Variants in MBD5 observed in about 807,000 individuals in gnomAD.
MBD5 encodes the protein methyl-CpG binding domain protein 5, also known as methyl-CpG-binding domain protein 5.
A neutral mutation model predicts 117.3 loss-of-function variants in MBD5; 13 were observed. The observed-to-expected ratio is 0.11, with a 90% confidence interval of 0.07 to 0.18. The LOEUF (loss-of-function observed/expected upper bound fraction) is 0.18. MBD5 is among the 10% of genes least tolerant of loss of function. The pLI, the probability that MBD5 is intolerant of heterozygous loss-of-function variation, is 1.00. For synonymous variants in MBD5, 727 were observed against 766.4 expected (o/e 0.95, Z 0.85); for missense variants, 1,879 against 2,093.8 (o/e 0.90, Z 2.00).
chr2:148,145,524 G>T (rs186575298), intron 1 of MBD5, among the ~76,000 whole-genome samples: 405 of 152,288 alleles, frequency 2.7e-3, no homozygotes, highest in Non-Finnish European at 4.4e-3. Flanking sequence ...CCTGCCTTGT[G>T]CCTGTTTTCA....
chr2:148,464,351 A>G (rs1162485039), intron 7 of MBD5, among the ~76,000 whole-genome samples: 2 of 152,234 alleles, frequency 1.3e-5, no homozygotes, highest in East Asian at 1.9e-4. Flanking sequence ...AAAACTTTTT[A>G]TATCTCCACC....
chr2:148,228,898 G>A (rs938147360), intron 2 of MBD5, among the ~76,000 whole-genome samples: 2 of 152,170 alleles, frequency 1.3e-5, no homozygotes, highest in Non-Finnish European at 2.9e-5. Context: ...TATTTGCATA[G>A]AGGTGTTTAT....
At chr2:148,227,472 T>G (rs1415813311) in intron 2 of MBD5, among the ~76,000 whole-genome samples, 1 of 152,188 alleles carries the variant, frequency 6.6e-6, no homozygotes, top group Non-Finnish European at 1.5e-5. Context: ...CATTGGTCTA[T>G]ATCTCTGTTT....
intron 4 of MBD5, among the ~76,000 whole-genome samples, chr2:148,456,885 C>T (rs1342393933): frequency 6.6e-6 from 1 of 152,104 alleles, no homozygotes; most frequent in Non-Finnish European, 1.5e-5. Flanking sequence ...AAGGCATATA[C>T]CTGAATATAC....
chr2:148,326,197 G>T (rs1162469410), intron 3 of MBD5, among the ~76,000 whole-genome samples: 3 of 152,202 alleles, frequency 2.0e-5, no homozygotes, highest in Non-Finnish European at 4.4e-5. Context: ...TACGGTCTGA[G>T]ATATAGTTTG....
chr2:148,217,064 A>G (rs573870687), intron 2 of MBD5, among the ~76,000 whole-genome samples: 1 of 152,346 alleles, frequency 6.6e-6, no homozygotes, highest in African/African-American at 2.4e-5. Context: ...TAAGCATACA[A>G]TCTGGCAAAT....
intron 4 of MBD5, among the ~76,000 whole-genome samples, chr2:148,449,567 T>C (rs1706663490): frequency 6.6e-6 from 1 of 151,120 alleles, no homozygotes; most frequent in African/African-American, 2.4e-5. Flanking sequence ...AACAAGAGGG[T>C]GAGATGGGAG....
At chr2:148,127,455 A>G (rs1295711103) in intron 1 of MBD5, among the ~76,000 whole-genome samples, 1 of 152,054 alleles carries the variant, frequency 6.6e-6, no homozygotes, top group Non-Finnish European at 1.5e-5. Flanking sequence ...CTCATCATTC[A>G]TCTCCCATTT....
intron 1 of MBD5, among the ~76,000 whole-genome samples, chr2:148,101,686 A>G (rs1202323941): frequency 6.6e-6 from 1 of 152,130 alleles, no homozygotes; most frequent in Non-Finnish European, 1.5e-5. Flanking sequence ...TGTTTTTTTA[A>G]CTTCATCTTA....
At chr2:148,463,098 A>C (rs2105575401) in intron 6 of MBD5, among the ~76,000 whole-genome samples, 1 of 152,338 alleles carries the variant, frequency 6.6e-6, no homozygotes, top group Middle Eastern at 3.4e-3. Context: ...TAGCCAAAAT[A>C]TGAAACTGTT....
chr2:148,386,676 G>A lies in MBD5; in HGVS notation c.-557+44340G>A, dbSNP rs924878445. Among the ~76,000 whole-genome samples, 140 of 133,896 alleles carry A rather than the reference G, an allele frequency of 1.0e-3. 1 individual carries two copies. Among genetic ancestry groups the A allele is most frequent in the African/African-American group, 3.6e-3 (127 of 34,840 alleles). The allele number at this position is 133,896 out of a possible 152,430, so 87.8% of individuals were successfully genotyped here. A position where few individuals can be genotyped will look rare whatever the true frequency, so the allele number is the denominator to read the frequency against. The stretch of plus-strand genomic sequence containing the variant: ...GGAGCTTGCAGTGAGCCGAGATCCC[G>A]CCACTGCACTCCAGCCTGGGCGACA... On this transcript the variant is annotated intron_variant, in intron 4 of 13. Transcript: ENST00000642680.
At position 148,468,941 on chromosome 2, in the gene MBD5, C is replaced by T; in HGVS notation, c.998C>T (p.Pro333Leu). The T allele has an allele frequency of 6.2e-7, 1 of 1,613,730 alleles. No homozygotes were observed. ...CGAGCAATGTTCCACCACAAACCAC[C>T]CCAAGGCCCACCTCCCCCTCCTCCA... ...IPRAMFHHKP[P>L]QGPPPPPPPS... Residue 333 changes from proline to leucine, a missense_variant, in exon 8 of 14, where the codon CCC becomes CTC. Around this residue, in one of 4 missense-constraint regions of MBD5, gnomAD observed 1,666 missense variants for 1,792.2 expected, o/e 0.93. Coordinates refer to ENST00000642680, the MANE Select transcript of MBD5 (RefSeq NM_001378120.1).
At chr2:148,082,447 T>C (rs913712940) in intron 1 of MBD5, among the ~76,000 whole-genome samples, 11 of 152,232 alleles carry the variant, frequency 7.2e-5, no homozygotes, top group African/African-American at 2.7e-4. Context: ...GGATTATTCA[T>C]CATCTTAGAT....
At chr2:148,149,130 C>A (rs1275271125) in intron 1 of MBD5, among the ~76,000 whole-genome samples, 3 of 148,070 alleles carry the variant, frequency 2.0e-5, no homozygotes, top group African/African-American at 7.5e-5. Context: ...TGATATTCCC[C>A]TTCCTGTGTC....
At chr2:148,355,740 T>G (rs1164578072) in intron 4 of MBD5, among the ~76,000 whole-genome samples, 1 of 152,246 alleles carries the variant, frequency 6.6e-6, no homozygotes, top group South Asian at 2.1e-4. Context: ...TTGTTTTTGC[T>G]AAGGATTGTC....
At chr2:148,048,439 T>G (rs1017265369) in intron 1 of MBD5, among the ~76,000 whole-genome samples, 17 of 152,320 alleles carry the variant, frequency 1.1e-4, no homozygotes, top group African/African-American at 4.1e-4. Flanking sequence ...CACATACCTA[T>G]GTTGAAAATC....
chr2:148,108,536 A>G (rs1696428012), intron 1 of MBD5, among the ~76,000 whole-genome samples: 1 of 151,564 alleles, frequency 6.6e-6, no homozygotes, highest in Non-Finnish European at 1.5e-5. Flanking sequence ...GAAGCAAGAA[A>G]AAAAGAAAAA....
At chr2:148,242,342 A>T (rs1210986075) in intron 3 of MBD5, among the ~76,000 whole-genome samples, 1 of 150,824 alleles carries the variant, frequency 6.6e-6, no homozygotes, top group African/African-American at 2.4e-5. Context: ...AGGTAAGTTT[A>T]TGCCTGCCAG....
chr2:148,229,161 C>T (rs1699919298), intron 2 of MBD5, among the ~76,000 whole-genome samples: 1 of 151,026 alleles, frequency 6.6e-6, no homozygotes, highest in Admixed American at 6.6e-5. Flanking sequence ...GCCTGCTTTG[C>T]TTCATTGTTT....
Sources: allele counts gnomAD v4.1 joint callset (sites outside exome capture counted in the v4.1 genomes callset), GRCh38; gene constraint gnomAD v4.1.1; regional missense constraint gnomAD v4.1.1; transcripts MANE v1.5; gene names NCBI Gene and HGNC (gene_info 2026-07-23, HGNC 2026-07-21).